The following TFE3 variants were observed in gnomAD, a reference collection of about 807,000 sequenced individuals.
TFE3 encodes transcription factor binding to IGHM enhancer 3.
TFE3 carries 5 observed loss-of-function variants against 35.0 expected under a neutral mutation model. The observed-to-expected ratio is 0.14, with a 90% CI of 0.07 to 0.30. The LOEUF (loss-of-function observed/expected upper bound fraction) is 0.30, where lower values mean the gene tolerates loss of function less well. Among genes scored for constraint, TFE3 ranks in the 10% least tolerant of loss-of-function variants. The pLI is 1.00. For synonymous variants in TFE3, 211 were observed against 215.6 expected (o/e 0.98, Z 0.18); for missense variants, 374 against 496.6 (o/e 0.75, Z 2.35).
chrX:49,039,840 G>A (rs1441374191), intron 2 of TFE3: 1 of 118,615 alleles, frequency 8.4e-6, no homozygotes, highest in Admixed American at 9.4e-5. Flanking sequence ...TCCTGGGGGT[G>A]GGCGTCAGGT....
At chrX:49,036,194 G>A (rs1449924436) in intron 5 of TFE3, among the ~76,000 whole-genome samples, 2 of 107,873 alleles carry the variant, frequency 1.9e-5, no homozygotes, top group Non-Finnish European at 1.9e-5. Flanking sequence ...TAGGCCGGGC[G>A]CGGTGGCTCA....
rs2064699006 is a variant in TFE3 at position 49,031,380 on chromosome X, ATC to A, written c.1284+15_1284+16del. ...GCTCTCCCCCTCTTCCCCCACCACCATCTCCTCTTTTCAAACCTGAATTCGGA... is the reference window on the plus strand; with the variant it reads ...GCTCTCCCCCTCTTCCCCCACCACCATCCTCTTTTCAAACCTGAATTCGGA... On this transcript the variant is annotated intron_variant, in intron 9 of 9. Coordinates refer to ENST00000315869, the MANE Select transcript of TFE3 (RefSeq NM_006521.6). The A allele has an allele frequency of 8.5e-7, 1 of 1,178,341 alleles. No individual in the cohort carries two copies. The highest frequency in any genetic ancestry group is 1.8e-5 in the African/African-American group (1 of 56,102).
rs969355046 is a variant in TFE3 at position 49,043,298 on chromosome X, C to T, written c.-72G>A. The T allele has an allele frequency of 1.0e-3, 815 of 798,153 alleles. No homozygotes were observed. Among genetic ancestry groups the T allele is most frequent in the Middle Eastern group, 1.5e-3 (5 of 3,274 alleles). 65.8% of individuals were successfully genotyped at this position (798,153 alleles called of 1,213,427 possible). ...CCGGTCCCCCTAACAAAATAAGAGTCCCCCCTCCCCCCAGCTCGCCACCGC... is the reference window on the plus strand; with the variant it reads ...CCGGTCCCCCTAACAAAATAAGAGTTCCCCCTCCCCCCAGCTCGCCACCGC... On this transcript the variant is annotated 5_prime_UTR_variant, in exon 1 of 10. Transcript: ENST00000315869.
rs2147766846 is a variant in TFE3, at chrX:49,029,780, G to A, written c.*378C>T. On this transcript the variant is annotated 3_prime_UTR_variant, in exon 10 of 10. Coordinates refer to ENST00000315869, the MANE Select transcript of TFE3 (RefSeq NM_006521.6). Reference sequence around the variant, plus strand: ...ACATCCTGACATCTCCCTTTCCCAGGAGACCTGGCTAGGACAGTCCCTAGG... The same window carrying A: ...ACATCCTGACATCTCCCTTTCCCAGAAGACCTGGCTAGGACAGTCCCTAGG... The A allele has an allele frequency of 2.2e-6, 1 of 464,420 alleles. No homozygotes were observed. Among genetic ancestry groups the A allele is most frequent in the East Asian group, 4.3e-5 (1 of 23,220 alleles). 38.3% of individuals were successfully genotyped at this position (464,420 alleles called of 1,213,427 possible). A position where few individuals can be genotyped will look rare whatever the true frequency, so the allele number is the denominator to read the frequency against.
At chrX:49,040,996 G>A (rs2064757957) in intron 1 of TFE3, among the ~76,000 whole-genome samples, 1 of 104,520 alleles carries the variant, frequency 9.6e-6, no homozygotes, top group Non-Finnish European at 2.0e-5. Context: ...ACAGTGGTGC[G>A]ATCTCAGCTC....
At chrX:49,038,900 G>C (rs1255520032) in intron 3 of TFE3, among the ~76,000 whole-genome samples, 2 of 109,899 alleles carry the variant, frequency 1.8e-5, no homozygotes, top group African/African-American at 6.6e-5. Context: ...TGGCCCCCAC[G>C]AACTCCTCGC....
At chrX:49,038,525 C>A in intron 3 of TFE3, 83 bp from the exon 4 acceptor site, 1 of 1,099,039 alleles carries the variant, frequency 9.1e-7, no homozygotes, top group South Asian at 2.1e-5. Flanking sequence ...CCAGCCTGAC[C>A]CTCCTAACTC....
chrX:49,043,327 C>T lies in TFE3; in HGVS notation c.-101G>A. ...CCTCCCCCCAGCTCGCCACCGCCGCCTCCTCCGCTAAGCCATGGAGCTAGC... is the reference window on the plus strand; with the variant it reads ...CCTCCCCCCAGCTCGCCACCGCCGCTTCCTCCGCTAAGCCATGGAGCTAGC... On this transcript the variant is annotated 5_prime_UTR_variant, in exon 1 of 10. Transcript: ENST00000315869. 1 of 629,904 alleles carries T rather than the reference C, an allele frequency of 1.6e-6. No homozygotes were observed. Among genetic ancestry groups the T allele is most frequent in the Non-Finnish European group, 2.3e-6 (1 of 429,923 alleles). The allele number at this position is 629,904 out of a possible 1,213,427, so 51.9% of individuals were successfully genotyped here.
intron 5 of TFE3, among the ~76,000 whole-genome samples, chrX:49,036,571 G>A (rs1309757582): frequency 3.6e-5 from 4 of 109,664 alleles, no homozygotes; most frequent in Admixed American, 9.8e-5. Context: ...TTGGGAGGCC[G>A]AGGCAGGCAG....
At position 49,038,389 on chromosome X, in the gene TFE3, C is replaced by T; in HGVS notation, c.588G>A (p.Arg196=). 1 of 1,204,237 alleles carries T rather than the reference C, an allele frequency of 8.3e-7. No individual in the cohort carries two copies. The highest frequency in any genetic ancestry group is 1.8e-5 in the South Asian group (1 of 56,183). The change falls in exon 4 of 10, where the codon CGG becomes CGA. Residue 196 remains arginine, a synonymous_variant. Coordinates refer to ENST00000315869, the MANE Select transcript of TFE3 (RefSeq NM_006521.6). Reference sequence around the variant, plus strand: ...TGGACAGGTACTGTTTCACCTGCTGCCGGCGCGCCTGCTGCAGGTGGTAGC... The same window carrying T: ...TGGACAGGTACTGTTTCACCTGCTGTCGGCGCGCCTGCTGCAGGTGGTAGC... ...PTRYHLQQAR[R]QQVKQYLSTT... is the part of the protein sequence containing the mutation.
At chrX:49,037,256 C>T (rs1382547024) in intron 5 of TFE3, among the ~76,000 whole-genome samples, 2 of 111,547 alleles carry the variant, frequency 1.8e-5, no homozygotes, top group African/African-American at 6.5e-5. Flanking sequence ...AAGATCGCAC[C>T]GCTGCACTCC....
At chrX:49,039,628 G>A in intron 2 of TFE3, 1 of 368,886 alleles carries the variant, frequency 2.7e-6, no homozygotes, top group Non-Finnish European at 4.6e-6. Context: ...TCTGGTGGGG[G>A]AGTTTTAGCC....
In TFE3 at chrX:49,034,396, C is replaced by G. The variant is rs956491286; in HGVS notation, c.886-145G>C. On this transcript the variant is annotated intron_variant, in intron 5 of 9. Transcript: ENST00000315869. ...GACTGGCTGACTCAGCACCAGAACCCTTGCTTCTCCTTCAAGGCAAATTCA... is the reference window on the plus strand; with the variant it reads ...GACTGGCTGACTCAGCACCAGAACCGTTGCTTCTCCTTCAAGGCAAATTCA... 4 of 465,713 alleles carry G rather than the reference C, an allele frequency of 8.6e-6. No homozygotes were observed. In the African/African-American group the frequency reaches 9.6e-5, roughly 11 times the overall value. 38.4% of individuals were successfully genotyped at this position (465,713 alleles called of 1,213,427 possible).
intron 3 of TFE3, 100 bp from the exon 4 acceptor site, chrX:49,038,542 G>T: frequency 1.9e-6 from 2 of 1,039,265 alleles, no homozygotes; most frequent in South Asian, 2.2e-5. Flanking sequence ...ACTCATTGGT[G>T]CCTAGACTCA....
chrX:49,042,867 C>T (rs2064766786), intron 1 of TFE3, among the ~76,000 whole-genome samples: 2 of 111,857 alleles, frequency 1.8e-5, no homozygotes, highest in African/African-American at 6.5e-5. Flanking sequence ...CCCCTCTAGA[C>T]GCAGTCAAGG....
At chrX:49,032,806 C>T (rs1239351239) in intron 8 of TFE3, among the ~76,000 whole-genome samples, 2 of 110,657 alleles carry the variant, frequency 1.8e-5, no homozygotes, top group Non-Finnish European at 3.8e-5. Flanking sequence ...TCCCGAGTAG[C>T]GGGGATTACA....
intron 3 of TFE3, among the ~76,000 whole-genome samples, chrX:49,038,705 A>G (rs1569521326): frequency 9.0e-6 from 1 of 110,626 alleles, no homozygotes; most frequent in Non-Finnish European, 1.9e-5. Flanking sequence ...AAACCCTGTC[A>G]CAGTCCCCAA....
chrX:49,029,204 C>T lies in TFE3; in HGVS notation c.*954G>A. On this transcript the variant is annotated 3_prime_UTR_variant, in exon 10 of 10. Coordinates refer to ENST00000315869, the MANE Select transcript of TFE3 (RefSeq NM_006521.6). ...CACTAATACCCATCACCTTCCCAAA[C>T]TGCCCCTCAAGGAAGAAGGCAGGAC... 5.7e-6 allele frequency: 1 copy of T among 176,252 alleles called. No individual in the cohort carries two copies. The allele number at this position is 176,252 out of a possible 1,213,427, so 14.5% of individuals were successfully genotyped here. A position where few individuals can be genotyped will look rare whatever the true frequency, so the allele number is the denominator to read the frequency against.
chrX:49,035,188 G>A (rs2147772313), intron 5 of TFE3, among the ~76,000 whole-genome samples: 1 of 106,453 alleles, frequency 9.4e-6, no homozygotes, highest in South Asian at 4.3e-4. Flanking sequence ...CGAGCATGGT[G>A]GCCTGCACTT....
Sources: allele counts gnomAD v4.1 joint callset (sites outside exome capture counted in the v4.1 genomes callset), GRCh38; gene constraint gnomAD v4.1.1; transcripts MANE v1.5; gene names NCBI Gene and HGNC (gene_info 2026-07-23, HGNC 2026-07-21).